GADL1: variants seen among roughly 807,000 people sequenced by gnomAD.
GADL1 encodes acidic amino acid decarboxylase GADL1.
Under a neutral mutation model 69.5 loss-of-function variants are expected in GADL1, and 71 were observed. That is an observed-to-expected ratio of 1.02 (90% CI 0.84 to 1.25). The LOEUF is 1.25. Among genes scored for constraint, GADL1 ranks in the 50% most tolerant of loss-of-function variants. The pLI is 0.00. For missense variants in GADL1, 737 were observed against 631.8 expected, an observed-to-expected ratio of 1.17 and a Z score of -1.79; for synonymous variants, 254 against 214.4, an observed-to-expected ratio of 1.18 and a Z score of -1.62.
At position 30,844,064 on chromosome 3, in the gene GADL1, T is replaced by G. The variant is rs1035639519; in HGVS notation, c.786+146A>C. ...TGTAAATGAGTTTTCCTATTTTAAT[T>G]CCAACATTCTCTCTCCTCTCTCCCA... On this transcript the variant is annotated intron_variant, in intron 8 of 14. Coordinates refer to ENST00000282538, the MANE Select transcript of GADL1 (RefSeq NM_207359.3). 6 of 656,456 alleles carry G rather than the reference T, an allele frequency of 9.1e-6. No homozygotes were observed. The South Asian group carries it at 9.7e-5, about 11-fold the overall frequency. 40.7% of individuals were successfully genotyped at this position (656,456 alleles called of 1,614,324 possible).
intron 11 of GADL1, among the ~76,000 whole-genome samples, chr3:30,824,358 A>G (rs1697646887): frequency 1.3e-5 from 2 of 151,832 alleles, no homozygotes; most frequent in African/African-American, 2.4e-5. Flanking sequence ...ACCAGCAAAA[A>G]TGAAAAACAT....
At chr3:30,756,316 ACTAT>A (rs572643438) in intron 14 of GADL1, among the ~76,000 whole-genome samples, 82 of 152,286 alleles carry the variant, frequency 5.4e-4, no homozygotes, top group South Asian at 1.7e-3. Flanking sequence ...AAGGAAATTG[ACTAT>A]CTAGGATTCG....
chr3:30,776,693 A>T (rs939870449), intron 14 of GADL1, among the ~76,000 whole-genome samples: 2 of 152,224 alleles, frequency 1.3e-5, no homozygotes, highest in African/African-American at 4.8e-5. Flanking sequence ...TGAGGCAATC[A>T]GTGACCATGA....
At chr3:30,875,524 G>A (rs1698565997) in intron 1 of GADL1, among the ~76,000 whole-genome samples, 1 of 151,866 alleles carries the variant, frequency 6.6e-6, no homozygotes, top group African/African-American at 2.4e-5. Flanking sequence ...AAAAACACAA[G>A]TTATCAGATG....
chr3:30,791,670 C>T (rs1696919817), intron 12 of GADL1, among the ~76,000 whole-genome samples: 5 of 151,606 alleles, frequency 3.3e-5, no homozygotes, highest in Middle Eastern at 3.4e-3. Context: ...GGTAATGTTC[C>T]TATCGCAGTC....
chr3:30,816,153 C>G (rs1697465257), intron 11 of GADL1, among the ~76,000 whole-genome samples: 2 of 152,046 alleles, frequency 1.3e-5, no homozygotes, highest in Non-Finnish European at 2.9e-5. Flanking sequence ...CTAATGGCTC[C>G]ACCATTAGAG....
chr3:30,811,220 C>T (rs1347789454), intron 11 of GADL1, among the ~76,000 whole-genome samples: 2 of 152,146 alleles, frequency 1.3e-5, no homozygotes, highest in African/African-American at 4.8e-5. Flanking sequence ...TTAGAATGAG[C>T]TGCTTAGAAA....
chr3:30,881,787 T>A (rs1363854858), intron 1 of GADL1, among the ~76,000 whole-genome samples: 4 of 151,952 alleles, frequency 2.6e-5, no homozygotes, highest in African/African-American at 9.7e-5. Context: ...ATTGCTATTA[T>A]AGCAGCATTA....
chr3:30,886,404 A>G (rs1157941174), intron 1 of GADL1, among the ~76,000 whole-genome samples: 1 of 152,136 alleles, frequency 6.6e-6, no homozygotes, highest in East Asian at 1.9e-4. Flanking sequence ...GTTTCTGCAG[A>G]AGTAAGCAAG....
chr3:30,755,752 AATG>A (rs1421566943), intron 14 of GADL1, among the ~76,000 whole-genome samples: 2 of 152,356 alleles, frequency 1.3e-5, no homozygotes, highest in Admixed American at 6.5e-5. Context: ...TAAACGAATG[AATG>A]AAACAAAAGG....
intron 14 of GADL1, among the ~76,000 whole-genome samples, chr3:30,774,430 G>A (rs909024085): frequency 6.6e-6 from 1 of 152,164 alleles, no homozygotes; most frequent in Non-Finnish European, 1.5e-5. Context: ...AGGGAAAAAT[G>A]ATTTCTTCAG....
At chr3:30,783,844 G>A (rs1252969746) in intron 13 of GADL1, among the ~76,000 whole-genome samples, 1 of 152,140 alleles carries the variant, frequency 6.6e-6, no homozygotes, top group Admixed American at 6.5e-5. Context: ...TCCTAATGAC[G>A]ATGGTAAGTG....
intron 6 of GADL1, among the ~76,000 whole-genome samples, chr3:30,848,496 AAC>A (rs1313181064): frequency 2.0e-5 from 3 of 152,198 alleles, no homozygotes; most frequent in African/African-American, 7.2e-5. Context: ...AGCTGGAAAT[AAC>A]AGACTCTCAG....
intron 12 of GADL1, chr3:30,798,900 C>G (rs1255529580): frequency 6.7e-6 from 1 of 149,938 alleles, no homozygotes; most frequent in African/African-American, 2.4e-5. Flanking sequence ...GCAGGGCAGT[C>G]AAATTCTAAA....
chr3:30,807,990 C>A (rs1457478639), intron 11 of GADL1, among the ~76,000 whole-genome samples: 1 of 151,956 alleles, frequency 6.6e-6, no homozygotes, highest in Admixed American at 6.6e-5. Flanking sequence ...CGAGATTGTG[C>A]CACTGCACTC....
intron 8 of GADL1, 150 bp downstream of exon 8, chr3:30,844,060 T>C: frequency 1.5e-6 from 1 of 650,802 alleles, no homozygotes; most frequent in East Asian, 2.7e-5. Flanking sequence ...TTTCCTATTT[T>C]AATTCCAACA....
intron 14 of GADL1, among the ~76,000 whole-genome samples, chr3:30,760,054 G>T (rs1696091130): frequency 6.6e-6 from 1 of 152,146 alleles, no homozygotes. Flanking sequence ...AATGCTTATT[G>T]TCTCATATCA....
intron 14 of GADL1, among the ~76,000 whole-genome samples, chr3:30,752,032 A>G (rs560072896): frequency 6.6e-6 from 1 of 152,352 alleles, no homozygotes; most frequent in East Asian, 1.9e-4. Context: ...CCCAGTAGGC[A>G]GAATGCTTCT....
chr3:30,837,792 T>C (rs113536221), intron 9 of GADL1, among the ~76,000 whole-genome samples: 35 of 152,284 alleles, frequency 2.3e-4, no homozygotes, highest in Non-Finnish European at 4.4e-4. Flanking sequence ...TGTATTGTTA[T>C]GCTTCTAAGT....
Sources: gnomAD v4.1 joint callset for allele counts (sites outside exome capture counted in the v4.1 genomes callset) on GRCh38, gnomAD v4.1.1 for gene constraint, MANE v1.5 for transcripts, NCBI Gene and HGNC (gene_info 2026-07-23, HGNC 2026-07-21) for gene names.